Variants in IGHMBP2 observed in about 807,000 individuals in gnomAD.
IGHMBP2 encodes DNA-binding protein SMUBP-2.
A neutral mutation model predicts 96.0 loss-of-function variants in IGHMBP2; 81 were observed. That is an observed-to-expected ratio of 0.84 (90% confidence interval 0.71 to 1.01). The LOEUF is 1.01. Ranked by LOEUF, IGHMBP2 falls within the 50% of genes least tolerant of loss-of-function variation. IGHMBP2 has a pLI of 0.00. For synonymous variants in IGHMBP2, 557 were observed against 548.9 expected, an observed-to-expected ratio of 1.01 and a Z score of -0.21; for missense variants, 1,227 against 1,306.3, an observed-to-expected ratio of 0.94 and a Z score of 0.94.
Position 68,908,276 on chromosome 11 carries a change from C to A in IGHMBP2, c.388C>A (p.Arg130=). Residue 130 remains arginine, a synonymous_variant, in exon 3 of 15, where the codon CGA becomes AGA. Transcript: ENST00000255078. ...CCACGATTTCCAGTTGAGCTTGGACCGAGAGAATTCCTACAGACTGTTAAA... is the reference window on the plus strand; with the variant it reads ...CCACGATTTCCAGTTGAGCTTGGACAGAGAGAATTCCTACAGACTGTTAAA... ...ESHDFQLSLD[R]ENSYRLLKLA... 1 of 1,614,020 alleles carries A rather than the reference C, an allele frequency of 6.2e-7. No individual in the cohort carries two copies. Among genetic ancestry groups the A allele is most frequent in the African/African-American group, 1.3e-5 (1 of 74,992 alleles).
At chr11:68,930,478 T>C in intron 8 of IGHMBP2, 1 of 1,274,206 alleles carries the variant, frequency 7.8e-7, no homozygotes, top group Non-Finnish European at 1.0e-6. Flanking sequence ...AGAGTGAGCT[T>C]TGGGAGGAAG....
At chr11:68,904,775 A>G (rs550156972) in intron 1 of IGHMBP2, among the ~76,000 whole-genome samples, 1 of 138,090 alleles carries the variant, frequency 7.2e-6, no homozygotes, top group East Asian at 2.1e-4. Flanking sequence ...TGCCAACCCT[A>G]CAGTGTAAGT....
chr11:68,930,555 G>A (rs920063402), intron 8 of IGHMBP2: 7 of 1,198,228 alleles, frequency 5.8e-6, no homozygotes, highest in African/African-American at 1.6e-5. Flanking sequence ...AGATCGTCCT[G>A]GTGGGAGACA....
rs11228413 is a variant in IGHMBP2, at chr11:68,934,480, C to T, written c.1554C>T (p.Val518=). Residue 518 remains valine (V), a synonymous_variant, in exon 11 of 15, where the codon GTC becomes GTT. Transcript: ENST00000255078. ...TCCCTCCAGGCGAAGTCCGCCTCGT[C>T]AGTTTGCACATCCAGGCTCTGGTGG... The part of the protein sequence containing the change: ...SKGNPGEVRL[V]SLHIQALVDA... The T allele has an allele frequency of 0.22, 355,527 of 1,608,376 alleles. 41,992 individuals carry two copies. The highest frequency in any genetic ancestry group is 0.25 in the Non-Finnish European group (291,223 of 1,176,352).
In IGHMBP2 at chr11:68,936,976, G is replaced by A. The variant is rs756948501; in HGVS notation, c.2496G>A (p.Thr832=). The A allele has an allele frequency of 2.4e-5, 38 of 1,607,590 alleles. No homozygotes were observed. Among genetic ancestry groups the A allele is most frequent in the Non-Finnish European group, 3.1e-5 (36 of 1,178,034 alleles). Residue 832 remains threonine, a synonymous_variant, in exon 13 of 15, where the codon ACG becomes ACA. Coordinates refer to ENST00000255078, the MANE Select transcript of IGHMBP2 (RefSeq NM_002180.3). The stretch of plus-strand genomic sequence containing the variant: ...GCCCAGACCAGCCTGATCTGAGGAC[G>A]CTGCACCTGGAGAGACTGCAGAGGG... ...QRGPDQPDLR[T]LHLERLQRVR... is the part of the protein sequence containing the mutation.
intron 11 of IGHMBP2, among the ~76,000 whole-genome samples, chr11:68,934,823 C>T (rs890571150): frequency 1.3e-5 from 2 of 152,342 alleles, no homozygotes; most frequent in East Asian, 1.9e-4. Context: ...TGGGTGACCC[C>T]GGCAGCCTCA....
In IGHMBP2 at chr11:68,940,250, C is replaced by A; in HGVS notation, c.*519C>A. On this transcript the variant is annotated 3_prime_UTR_variant, in exon 15 of 15. Transcript: ENST00000255078. ...CTTTCCTTCTGTCTGCTGGTGACTG[C>A]AGTGTTCCCCCTCCTCCTCACCACG... 6.2e-6 allele frequency: 1 copy of A among 162,260 alleles called. No homozygotes were observed. Among genetic ancestry groups the A allele is most frequent in the Non-Finnish European group, 1.4e-5 (1 of 74,012 alleles). 10.1% of individuals were successfully genotyped at this position (162,260 alleles called of 1,614,324 possible). A position where few individuals can be genotyped will look rare whatever the true frequency, so the allele number is the denominator to read the frequency against.
In IGHMBP2 at chr11:68,939,448, G is replaced by A. The variant is rs1057327738; in HGVS notation, c.2785-86G>A. 3.3e-5 allele frequency: 47 copies of A among 1,438,852 alleles called. No homozygotes were observed. In the Middle Eastern group the frequency reaches 7.3e-4, roughly 22 times the overall value. The allele number at this position is 1,438,852 out of a possible 1,614,324, so 89.1% of individuals were successfully genotyped here. A position where few individuals can be genotyped will look rare whatever the true frequency, so the allele number is the denominator to read the frequency against. ...TGGCCTTCTCTGTTGGGGCGCCTGT[G>A]GCCCCCCAGCTCTTTGATAGGCAGA... is the stretch of plus-strand genomic sequence containing the variant. On this transcript the variant is annotated intron_variant, in intron 14 of 14. Coordinates refer to ENST00000255078, the MANE Select transcript of IGHMBP2 (RefSeq NM_002180.3).
At chr11:68,924,477 G>T (rs771227770) in intron 7 of IGHMBP2, among the ~76,000 whole-genome samples, 1 of 152,250 alleles carries the variant, frequency 6.6e-6, no homozygotes, top group Admixed American at 6.5e-5. Flanking sequence ...ACAAGGCTGC[G>T]ATCGAGGTGT....
Position 68,911,596 on chromosome 11 carries a change from G to A in IGHMBP2, c.704G>A (p.Gly235Asp). ...ATCATTCTTCAAGCTGTGAAACAAGGCTTAAAGGTGGGCAGTGCATGCCAC... is the reference window on the plus strand; with the variant it reads ...ATCATTCTTCAAGCTGTGAAACAAGACTTAAAGGTGGGCAGTGCATGCCAC... ...VEIILQAVKQ[G>D]LKVLCCAPSN... is the part of the protein sequence containing the mutation. The change falls in exon 5 of 15, where the codon GGC becomes GAC. Residue 235 changes from glycine to aspartate, a missense_variant. By Grantham distance (94) the Gly-to-Asp change is moderately conservative (BLOSUM62 -1). Transcript: ENST00000255078. The A allele has an allele frequency of 6.2e-7, 1 of 1,614,154 alleles. No individual in the cohort carries two copies. Among genetic ancestry groups the A allele is most frequent in the Non-Finnish European group, 8.5e-7 (1 of 1,180,038 alleles).
chr11:68,936,142 T>C (rs2154008831), intron 12 of IGHMBP2, 95 bp from the exon 13 acceptor site: 1 of 1,449,842 alleles, frequency 6.9e-7, no homozygotes, highest in East Asian at 2.3e-5. Flanking sequence ...CGCAGGGGAC[T>C]ACACTTTTGG....
Position 68,929,366 on chromosome 11 carries a change from C to T in IGHMBP2, c.1235+9C>T, listed in dbSNP as rs553889213. 5 of 1,612,116 alleles carry T rather than the reference C, an allele frequency of 3.1e-6. No individual in the cohort carries two copies. In the East Asian group the frequency reaches 8.9e-5, roughly 29 times the overall value. On this transcript the variant is annotated intron_variant, in intron 8 of 14. Transcript: ENST00000255078. Reference sequence around the variant, plus strand: ...ACCACAGTCTCTCACAAGTAAGACCCCTTTGCCTCACATGCCCTTCTCTGC... The same window carrying T: ...ACCACAGTCTCTCACAAGTAAGACCTCTTTGCCTCACATGCCCTTCTCTGC...
intron 7 of IGHMBP2, among the ~76,000 whole-genome samples, chr11:68,926,820 C>T (rs1050325649): frequency 6.6e-6 from 1 of 152,120 alleles, no homozygotes; most frequent in African/African-American, 2.4e-5. Context: ...GGCTGGAGTG[C>T]CGTAGCGTGA....
chr11:68,922,077 C>T (rs986688372), intron 7 of IGHMBP2, among the ~76,000 whole-genome samples: 3 of 152,044 alleles, frequency 2.0e-5, no homozygotes, highest in Non-Finnish European at 2.9e-5. Context: ...TGCCTGTAAT[C>T]TCAGCACTTT....
intron 7 of IGHMBP2, among the ~76,000 whole-genome samples, chr11:68,919,494 C>G (rs1199335306): frequency 2.0e-5 from 3 of 152,234 alleles, no homozygotes; most frequent in African/African-American, 4.8e-5. Context: ...ACTCTCATGA[C>G]TTGGATAGTT....
At chr11:68,908,484 C>A in intron 3 of IGHMBP2, 50 bp from the exon 4 acceptor site, 1 of 1,508,772 alleles carries the variant, frequency 6.6e-7, no homozygotes, top group Non-Finnish European at 9.2e-7. Flanking sequence ...GGGGCAGAGG[C>A]TCGGGCACTG....
chr11:68,921,918 T>G (rs568848267), intron 7 of IGHMBP2, among the ~76,000 whole-genome samples: 2 of 152,364 alleles, frequency 1.3e-5, no homozygotes, highest in East Asian at 3.9e-4. Context: ...ACACTTTTCC[T>G]TGCAATATTT....
At chr11:68,926,044 C>T (rs571744086) in intron 7 of IGHMBP2, among the ~76,000 whole-genome samples, 4 of 152,080 alleles carry the variant, frequency 2.6e-5, no homozygotes, top group African/African-American at 9.7e-5. Flanking sequence ...ATTCTACTCT[C>T]GTCTCCATCT....
rs1471918435 is a variant in IGHMBP2 at position 68,933,925 on chromosome 11, T to C, written c.1537+12T>C. 4 of 1,545,768 alleles carry C rather than the reference T, an allele frequency of 2.6e-6. No individual in the cohort carries two copies. The South Asian group carries it at 4.6e-5, about 18-fold the overall frequency. ...GAAAGGGAACCCTGGTGAGCTTGCT[T>C]GCAGATGGCCAGCTTTTTTGTTTAA... On this transcript the variant is annotated intron_variant, in intron 10 of 14. Coordinates refer to ENST00000255078, the MANE Select transcript of IGHMBP2 (RefSeq NM_002180.3).
Sources: gnomAD v4.1 joint callset for allele counts (sites outside exome capture counted in the v4.1 genomes callset) on GRCh38, gnomAD v4.1.1 for gene constraint, MANE v1.5 for transcripts, NCBI Gene and HGNC (gene_info 2026-07-23, HGNC 2026-07-21) for gene names.